ARFGAP3: variants seen among roughly 807,000 people sequenced by gnomAD.
The protein encoded by ARFGAP3 is ADP-ribosylation factor GTPase-activating protein 3.
Under a neutral mutation model 75.0 loss-of-function variants are expected in ARFGAP3, and 72 were observed. The observed-to-expected ratio is 0.96, with a 90% CI of 0.79 to 1.17. ARFGAP3 has a LOEUF of 1.17. ARFGAP3 is among the 50% of genes most tolerant of loss of function. The pLI, the probability that ARFGAP3 is intolerant of heterozygous loss-of-function variation, is 0.00. For synonymous variants in ARFGAP3, 221 were observed against 217.9 expected, an observed-to-expected ratio of 1.01 and a Z score of -0.13; for missense variants, 620 against 626.6, an observed-to-expected ratio of 0.99 and a Z score of 0.11.
Position 42,822,604 on chromosome 22 carries a change from G to A in ARFGAP3, c.673-195C>T, listed in dbSNP as rs147218515. The A allele has an allele frequency of 1.7e-3, 349 of 210,480 alleles. 1 individual carries two copies. Among genetic ancestry groups the A allele is most frequent in the Non-Finnish European group, 2.5e-3 (308 of 121,696 alleles). 13.0% of individuals were successfully genotyped at this position (210,480 alleles called of 1,614,324 possible). A position where few individuals can be genotyped will look rare whatever the true frequency, so the allele number is the denominator to read the frequency against. On this transcript the variant is annotated intron_variant, in intron 8 of 15. Transcript: ENST00000263245. ...CTCAGCATGGGGGAATTGGTTTCAC[G>A]ACCCTGTGGATAACAAAATCTGCGA...
chr22:42,857,189 C>G lies in ARFGAP3; in HGVS notation c.-7G>C. ...GCTTGCTGGGGTCCCCCATCGTCAG[C>G]TGTGAGCCGCGGCGCAGCTGGCCCA... On this transcript the variant is annotated 5_prime_UTR_variant, in exon 1 of 16. Transcript: ENST00000263245. 1 of 1,510,126 alleles carries G rather than the reference C, an allele frequency of 6.6e-7. No individual in the cohort carries two copies. Among genetic ancestry groups the G allele is most frequent in the East Asian group, 2.8e-5 (1 of 35,768 alleles). The allele number at this position is 1,510,126 out of a possible 1,614,324, so 93.5% of individuals were successfully genotyped here.
At chr22:42,809,129 G>T in intron 12 of ARFGAP3, 1 of 173,076 alleles carries the variant, frequency 5.8e-6, no homozygotes, top group Non-Finnish European at 1.1e-5. Flanking sequence ...GTTCAAATAT[G>T]TTATATCACA....
At chr22:42,800,298 G>A (rs1440753278) in intron 14 of ARFGAP3, among the ~76,000 whole-genome samples, 2 of 152,204 alleles carry the variant, frequency 1.3e-5, no homozygotes, top group Non-Finnish European at 2.9e-5. Flanking sequence ...GGGAGGCTGA[G>A]GTGGGAGGAT....
chr22:42,823,092 G>T (rs1045510339), intron 8 of ARFGAP3, among the ~76,000 whole-genome samples: 1 of 152,088 alleles, frequency 6.6e-6, no homozygotes, highest in Non-Finnish European at 1.5e-5. Flanking sequence ...TTACAGGCGT[G>T]AGTCACTACG....
At position 42,836,387 on chromosome 22, in the gene ARFGAP3, C is replaced by T. The variant is rs190801678; in HGVS notation, c.262-894G>A. ...CTCCTGGATTCAAGCAATCCTCTCA[C>T]CGTGGCTTCCCAAAGTGCTGGGATT... is the stretch of plus-strand genomic sequence containing the variant. On this transcript the variant is annotated intron_variant, in intron 3 of 15. Transcript: ENST00000263245. Among the ~76,000 whole-genome samples, 726 of 152,248 alleles carry T rather than the reference C, an allele frequency of 4.8e-3. 4 individuals are homozygous for T. The highest frequency in any genetic ancestry group is 0.017 in the African/African-American group (708 of 41,556).
intron 11 of ARFGAP3, among the ~76,000 whole-genome samples, chr22:42,811,255 C>T (rs1016013464): frequency 1.3e-5 from 2 of 152,242 alleles, no homozygotes; most frequent in African/African-American, 4.8e-5. Context: ...AGGACAGGTA[C>T]TCTAGAGAAC....
Position 42,828,754 on chromosome 22 carries a change from G to A in ARFGAP3, c.566-1755C>T, listed in dbSNP as rs1416969451. On this transcript the variant is annotated intron_variant, in intron 6 of 15. Transcript: ENST00000263245. ...AGGCGGAGTGTAGTGGTGCGAACTC[G>A]GCTCACTGCAACCTCCGCCTCCCAG... Among the ~76,000 whole-genome samples, 12 of 140,780 alleles carry A rather than the reference G, an allele frequency of 8.5e-5. No individual in the cohort carries two copies. The South Asian group carries it at 1.5e-3, about 17-fold the overall frequency. 92.4% of individuals were successfully genotyped at this position (140,780 alleles called of 152,430 possible). A position where few individuals can be genotyped will look rare whatever the true frequency, so the allele number is the denominator to read the frequency against.
chr22:42,803,784 T>C (rs943751344), intron 14 of ARFGAP3, among the ~76,000 whole-genome samples: 1 of 152,142 alleles, frequency 6.6e-6, no homozygotes, highest in Non-Finnish European at 1.5e-5. Context: ...TCTCCTGGGC[T>C]AGAAACACCC....
chr22:42,799,971 T>C (rs1352441375), intron 14 of ARFGAP3, among the ~76,000 whole-genome samples: 5 of 152,166 alleles, frequency 3.3e-5, no homozygotes, highest in Non-Finnish European at 1.5e-5. Context: ...TTTTGTTAAG[T>C]GTTAGTTGCT....
intron 7 of ARFGAP3, among the ~76,000 whole-genome samples, chr22:42,825,472 G>A (rs543292753): frequency 3.9e-5 from 6 of 152,148 alleles, no homozygotes; most frequent in East Asian, 1.9e-4. Flanking sequence ...TCAGGAGTTT[G>A]AGAACAGCCT....
intron 11 of ARFGAP3, among the ~76,000 whole-genome samples, chr22:42,814,001 C>T (rs1018514537): frequency 2.0e-5 from 3 of 152,334 alleles, no homozygotes; most frequent in Non-Finnish European, 2.9e-5. Flanking sequence ...CCTAATATCA[C>T]ATTTGCTCTG....
chr22:42,812,872 A>G (rs1340387007), intron 11 of ARFGAP3, among the ~76,000 whole-genome samples: 2 of 152,332 alleles, frequency 1.3e-5, no homozygotes, highest in East Asian at 3.9e-4. Context: ...TCAGCTAGAA[A>G]CCGACCAGGC....
intron 12 of ARFGAP3, 46 bp downstream of exon 12, chr22:42,810,767 A>C: frequency 6.5e-7 from 1 of 1,547,614 alleles, no homozygotes; most frequent in Non-Finnish European, 8.8e-7. Flanking sequence ...TTTTTCCCAG[A>C]AATGCATGGA....
chr22:42,819,942 A>C (rs1465260930), intron 9 of ARFGAP3, among the ~76,000 whole-genome samples: 3 of 152,056 alleles, frequency 2.0e-5, no homozygotes, highest in East Asian at 1.9e-4. Flanking sequence ...CAAATTCATA[A>C]ATCTTCCGAT....
At chr22:42,824,542 T>G (rs933429858) in intron 7 of ARFGAP3, among the ~76,000 whole-genome samples, 2 of 148,690 alleles carry the variant, frequency 1.3e-5, no homozygotes, top group African/African-American at 5.1e-5. Flanking sequence ...TTTTTTTTTT[T>G]GTAGACATCA....
chr22:42,839,597 C>CAAA (rs61512605), intron 3 of ARFGAP3, among the ~76,000 whole-genome samples: 4,091 of 112,248 alleles, frequency 0.036, 101 homozygotes, highest in Middle Eastern at 0.074. Context: ...AACTCTGTCT[C>CAAA]AAAAAAAAAA....
chr22:42,849,077 A>T (rs1052897637), intron 1 of ARFGAP3, among the ~76,000 whole-genome samples: 1 of 152,164 alleles, frequency 6.6e-6, no homozygotes, highest in Non-Finnish European at 1.5e-5. Context: ...CCCCAGTCCA[A>T]CTGCCAGCGA....
chr22:42,856,301 T>A (rs1384181983), intron 1 of ARFGAP3, among the ~76,000 whole-genome samples: 2 of 152,178 alleles, frequency 1.3e-5, no homozygotes, highest in Non-Finnish European at 2.9e-5. Context: ...GCTGTTCCCT[T>A]CGGGAAGTGA....
In ARFGAP3 at chr22:42,826,279, T is replaced by C. The variant is rs190535786; in HGVS notation, c.625+661A>G. On this transcript the variant is annotated intron_variant, in intron 7 of 15. Coordinates refer to ENST00000263245, the MANE Select transcript of ARFGAP3 (RefSeq NM_014570.5). The stretch of plus-strand genomic sequence containing the variant: ...AGTTCTTGAGTAAAAAGGAATGGTG[T>C]AGATGTTCTGACCACTGCTTATTTC... Among the ~76,000 whole-genome samples the C allele has an allele frequency of 1.5e-4, 23 of 152,232 alleles. No individual in the cohort carries two copies. The East Asian group carries it at 4.4e-3, about 29-fold the overall frequency.
Sources: allele counts gnomAD v4.1 joint callset (sites outside exome capture counted in the v4.1 genomes callset), GRCh38; gene constraint gnomAD v4.1.1; transcripts MANE v1.5; gene names NCBI Gene and HGNC (gene_info 2026-07-23, HGNC 2026-07-21).